The following MTFR1 variants were observed in gnomAD, a reference collection of about 807,000 sequenced individuals.
The protein encoded by MTFR1 is chondrocyte protein with a poly-proline region.
MTFR1 carries 28 observed loss-of-function variants against 38.8 expected under a neutral mutation model. The ratio of observed to expected loss-of-function variants is 0.72; its 90% CI spans 0.53 to 0.99. MTFR1 has a LOEUF of 0.99. Ranked by LOEUF, MTFR1 falls within the 50% of genes least tolerant of loss-of-function variation. The pLI is 0.00. For synonymous variants in MTFR1, 145 were observed against 137.0 expected, an observed-to-expected ratio of 1.06 and a Z score of -0.41; for missense variants, 358 against 395.5, an observed-to-expected ratio of 0.91 and a Z score of 0.81.
chr8:65,655,185 A>G (rs1809222032), intron 1 of MTFR1, among the ~76,000 whole-genome samples: 1 of 152,240 alleles, frequency 6.6e-6, no homozygotes, highest in Non-Finnish European at 1.5e-5. Context: ...TCACATGAAA[A>G]TGTCAGCCTT....
intron 3 of MTFR1, among the ~76,000 whole-genome samples, chr8:65,741,395 G>A (rs1239315035): frequency 6.6e-6 from 1 of 152,118 alleles, no homozygotes; most frequent in Non-Finnish European, 1.5e-5. Context: ...GGATAATAAA[G>A]GACTGTTTGG....
intron 1 of MTFR1, among the ~76,000 whole-genome samples, chr8:65,658,562 C>G (rs759578386): frequency 6.6e-4 from 101 of 152,218 alleles, no homozygotes; most frequent in Non-Finnish European, 1.1e-3. Flanking sequence ...AGAATATAAG[C>G]CTATACCATC....
chr8:65,733,492 G>C (rs1012335180), intron 3 of MTFR1, among the ~76,000 whole-genome samples: 3 of 152,080 alleles, frequency 2.0e-5, no homozygotes, highest in Non-Finnish European at 4.4e-5. Flanking sequence ...AATAGAGTGA[G>C]ACCCTGTCTC....
chr8:65,671,102 G>T (rs16932290), intron 2 of MTFR1, among the ~76,000 whole-genome samples: 1,903 of 152,278 alleles, frequency 0.012, 39 homozygotes, highest in African/African-American at 0.044. Flanking sequence ...AGATTAAAAA[G>T]TAGAGAACCA....
At chr8:65,777,203 C>G in the MTFR1 span, among the ~76,000 whole-genome samples, 1 of 151,792 alleles carries the variant, frequency 6.6e-6, no homozygotes, top group Non-Finnish European at 1.5e-5. Context: ...CCTCGGCCTC[C>G]CAAGTAGCTG....
At chr8:65,698,104 A>G (rs1187201065) in intron 4 of MTFR1, among the ~76,000 whole-genome samples, 3 of 150,142 alleles carry the variant, frequency 2.0e-5, no homozygotes, top group Non-Finnish European at 4.4e-5. Context: ...TTTTTCCCTA[A>G]GAGGTTTATA....
chr8:65,761,071 T>G (rs1181049797), intron 3 of MTFR1, among the ~76,000 whole-genome samples: 1 of 152,066 alleles, frequency 6.6e-6, no homozygotes, highest in Non-Finnish European at 1.5e-5. Flanking sequence ...TTTCTTTTTT[T>G]TTTTTTTAGA....
intron 3 of MTFR1, among the ~76,000 whole-genome samples, chr8:65,740,309 C>T (rs1291175221): frequency 6.6e-6 from 1 of 152,122 alleles, no homozygotes; most frequent in East Asian, 1.9e-4. Flanking sequence ...GCCTTTTATG[C>T]TCTTCTTAAA....
intron 3 of MTFR1, among the ~76,000 whole-genome samples, chr8:65,736,419 CA>C (rs1807129251): frequency 6.6e-6 from 1 of 152,150 alleles, no homozygotes; most frequent in African/African-American, 2.4e-5. Context: ...GACTACTGTA[CA>C]GTATTTCAGG....
intron 3 of MTFR1, among the ~76,000 whole-genome samples, chr8:65,761,622 T>C (rs1203851162): frequency 6.6e-6 from 1 of 152,188 alleles, no homozygotes; most frequent in Non-Finnish European, 1.5e-5. Context: ...TTCTAAAATA[T>C]CACATTACTT....
chr8:65,662,060 T>TTTCCACAGTCTCC (rs1809438605), intron 1 of MTFR1, among the ~76,000 whole-genome samples: 1 of 68,254 alleles, frequency 1.5e-5, no homozygotes, highest in Non-Finnish European at 3.0e-5. Flanking sequence ...TCTCCCTCTC[T>TTTCCACAGTCTCC]CTCTCCCTCT....
intron 3 of MTFR1, among the ~76,000 whole-genome samples, chr8:65,762,447 A>G (rs1283332240): frequency 6.6e-6 from 1 of 152,198 alleles, no homozygotes; most frequent in Non-Finnish European, 1.5e-5. Flanking sequence ...AGCAAAGTAC[A>G]TGAGAACACA....
At chr8:65,767,784 C>T (rs1324443058) in intron 3 of MTFR1, among the ~76,000 whole-genome samples, 2 of 152,212 alleles carry the variant, frequency 1.3e-5, no homozygotes, top group Non-Finnish European at 2.9e-5. Flanking sequence ...CCCTACACAT[C>T]TCTTCATCTG....
At chr8:65,766,972 T>C (rs886759500) in intron 3 of MTFR1, among the ~76,000 whole-genome samples, 4 of 151,506 alleles carry the variant, frequency 2.6e-5, no homozygotes, top group African/African-American at 7.3e-5. Flanking sequence ...TCAGTTTAAA[T>C]ATTTGTCAGA....
At chr8:65,662,906 TG>T (rs1213834745) in intron 1 of MTFR1, among the ~76,000 whole-genome samples, 1 of 141,680 alleles carries the variant, frequency 7.1e-6, no homozygotes, top group African/African-American at 2.7e-5. Flanking sequence ...TGGAGGGAGG[TG>T]GGGGGGTCAG....
At chr8:65,699,782 T>TA (rs1344542592) in intron 4 of MTFR1, among the ~76,000 whole-genome samples, 1 of 152,226 alleles carries the variant, frequency 6.6e-6, no homozygotes, top group Non-Finnish European at 1.5e-5. Flanking sequence ...GTTTATAACT[T>TA]ACAGTTTAAG....
intron 1 of MTFR1, among the ~76,000 whole-genome samples, chr8:65,653,505 C>T (rs554248290): frequency 1.6e-4 from 25 of 151,636 alleles, no homozygotes; most frequent in African/African-American, 5.6e-4. Flanking sequence ...GAGCAAGGCT[C>T]TGTCTCAAAA....
At chr8:65,744,774 G>A (rs942810549) in intron 3 of MTFR1, among the ~76,000 whole-genome samples, 3 of 152,196 alleles carry the variant, frequency 2.0e-5, no homozygotes, top group Admixed American at 6.5e-5. Context: ...AATAGCAGCG[G>A]CAATTGCCAA....
chr8:65,705,859 T>C (rs76156944), intron 5 of MTFR1, among the ~76,000 whole-genome samples: 422 of 152,324 alleles, frequency 2.8e-3, no homozygotes, highest in Non-Finnish European at 4.9e-3. Flanking sequence ...TCTAACACCA[T>C]TGGGTTTATT....
Sources: allele counts gnomAD v4.1 joint callset (sites outside exome capture counted in the v4.1 genomes callset), GRCh38; gene constraint gnomAD v4.1.1; transcripts MANE v1.5; gene names NCBI Gene and HGNC (gene_info 2026-07-23, HGNC 2026-07-21).